MATCAP2: variants seen among roughly 807,000 people sequenced by gnomAD.
MATCAP2 encodes putative tyrosine carboxypeptidase MATCAP2.
the MATCAP2 span, among the ~76,000 whole-genome samples, chr7:36,343,203 A>G: frequency 6.7e-6 from 1 of 148,708 alleles, no homozygotes; most frequent in Non-Finnish European, 1.5e-5. Context: ...ATCTTCAAAA[A>G]TTTTCTTAGA....
chr7:36,374,530 T>C, the MATCAP2 span, among the ~76,000 whole-genome samples: 1 of 152,170 alleles, frequency 6.6e-6, no homozygotes, highest in Non-Finnish European at 1.5e-5. Flanking sequence ...TTTCTTTTTT[T>C]CTTTAATTAT....
chr7:36,384,368 G>A, the MATCAP2 span, among the ~76,000 whole-genome samples: 1 of 152,028 alleles, frequency 6.6e-6, no homozygotes, highest in Non-Finnish European at 1.5e-5. Context: ...AAATAAGTAG[G>A]GAAGACACTT....
chr7:36,389,865 T>G, the MATCAP2 span: 3 of 1,294,266 alleles, frequency 2.3e-6, no homozygotes, highest in South Asian at 3.7e-5. Flanking sequence ...AGAGGCCGAG[T>G]CCGTCACTGG....
chr7:36,356,560 G>C, the MATCAP2 span: 2 of 424,364 alleles, frequency 4.7e-6, no homozygotes, highest in East Asian at 3.9e-5. Context: ...AAACAAAAAC[G>C]TAGTGTGGGC....
chr7:36,368,856 C>G, the MATCAP2 span, among the ~76,000 whole-genome samples: 2 of 152,166 alleles, frequency 1.3e-5, no homozygotes, highest in East Asian at 3.8e-4. Flanking sequence ...GAATGTTCTT[C>G]CCTCAGATAT....
the MATCAP2 span, among the ~76,000 whole-genome samples, chr7:36,387,509 G>A: frequency 2.0e-5 from 3 of 152,058 alleles, no homozygotes; most frequent in African/African-American, 4.8e-5. Flanking sequence ...ATGAACTACC[G>A]GGGGTTAAGA....
At chr7:36,358,189 C>A in the MATCAP2 span, among the ~76,000 whole-genome samples, 9 of 149,186 alleles carry the variant, frequency 6.0e-5, no homozygotes, top group African/African-American at 2.2e-4. Context: ...CAGAGTGAGA[C>A]CCTATCTTAA....
chr7:36,346,248 T>G, the MATCAP2 span, among the ~76,000 whole-genome samples: 55 of 152,218 alleles, frequency 3.6e-4, no homozygotes, highest in Admixed American at 8.5e-4. Flanking sequence ...AGGTTAAACA[T>G]AGAGAAATTA....
the MATCAP2 span, chr7:36,357,445 G>A: frequency 2.0e-4 from 322 of 1,614,034 alleles, no homozygotes; most frequent in African/African-American, 3.7e-3. Context: ...GTAGGACATT[G>A]TAACTACTGG....
the MATCAP2 span, among the ~76,000 whole-genome samples, chr7:36,349,492 T>C: frequency 5.9e-5 from 9 of 152,148 alleles, no homozygotes; most frequent in Non-Finnish European, 1.0e-4. Flanking sequence ...AGAATTAAGT[T>C]GTCACCTGTA....
the MATCAP2 span, chr7:36,335,210 A>G: frequency 1.9e-6 from 3 of 1,604,970 alleles, no homozygotes; most frequent in East Asian, 6.7e-5. Flanking sequence ...ACACAGACAT[A>G]AAACAAAACA....
chr7:36,389,989 C>G, the MATCAP2 span: 1 of 1,614,106 alleles, frequency 6.2e-7, no homozygotes, highest in Non-Finnish European at 8.5e-7. Flanking sequence ...GAATTTGAAC[C>G]ACCGTTTCCA....
chr7:36,356,201 G>A, the MATCAP2 span: 1 of 152,138 alleles, frequency 6.6e-6, no homozygotes, highest in African/African-American at 2.4e-5. Flanking sequence ...GGGATTGCAT[G>A]CTCCATCTAA....
At chr7:36,379,837 C>G in the MATCAP2 span, among the ~76,000 whole-genome samples, 203 of 131,264 alleles carry the variant, frequency 1.5e-3, 1 homozygote, top group Non-Finnish European at 2.2e-3. Context: ...CACACACACA[C>G]ACACACACAC....
the MATCAP2 span, among the ~76,000 whole-genome samples, chr7:36,346,638 G>C: frequency 6.6e-6 from 1 of 152,188 alleles, no homozygotes; most frequent in Non-Finnish European, 1.5e-5. Flanking sequence ...TGGTGAGATG[G>C]GGAACGATTG....
chr7:36,351,913 TC>T, the MATCAP2 span, among the ~76,000 whole-genome samples: 8 of 132,976 alleles, frequency 6.0e-5, no homozygotes, highest in Admixed American at 3.4e-4. Context: ...ACCACTGTAC[TC>T]CAGCCTGGGT....
the MATCAP2 span, chr7:36,366,718 G>C: frequency 1.3e-6 from 2 of 1,535,318 alleles, no homozygotes; most frequent in Non-Finnish European, 1.7e-6. Context: ...AATAAGTGAC[G>C]AAAGGATAAG....
At chr7:36,340,760 G>C in the MATCAP2 span, among the ~76,000 whole-genome samples, 1 of 152,202 alleles carries the variant, frequency 6.6e-6, no homozygotes, top group Non-Finnish European at 1.5e-5. Context: ...AGCTGAATTG[G>C]TGAAATAAGT....
At chr7:36,375,192 C>T in the MATCAP2 span, among the ~76,000 whole-genome samples, 1 of 152,208 alleles carries the variant, frequency 6.6e-6, no homozygotes, top group South Asian at 2.1e-4. Context: ...CACATCCCCT[C>T]CAGCACCTGT....
Sources: gnomAD v4.1 joint callset for allele counts (sites outside exome capture counted in the v4.1 genomes callset) on GRCh38, gnomAD v4.1.1 for gene constraint, MANE v1.5 for transcripts, NCBI Gene and HGNC (gene_info 2026-07-23, HGNC 2026-07-21) for gene names.